DGKB: variants seen among roughly 807,000 people sequenced by gnomAD.
The protein encoded by DGKB is diacylglycerol kinase beta.
A neutral mutation model predicts 114.3 loss-of-function variants in DGKB; 67 were observed. That is an observed-to-expected ratio of 0.59 (90% CI 0.48 to 0.72). The LOEUF (loss-of-function observed/expected upper bound fraction) is 0.72, where lower values mean the gene tolerates loss of function less well. Ranked by LOEUF, DGKB falls within the 30% of genes least tolerant of loss-of-function variation. The probability of loss-of-function intolerance (pLI) is 0.00; values close to 1 mark genes in which losing one functional copy is unlikely to be tolerated. For missense variants in DGKB, 907 were observed against 975.2 expected, an observed-to-expected ratio of 0.93 and a Z score of 0.93; for synonymous variants, 398 against 323.1, an observed-to-expected ratio of 1.23 and a Z score of -2.49.
At chr7:14,778,989 C>T (rs941044825) in intron 2 of DGKB, among the ~76,000 whole-genome samples, 4 of 152,058 alleles carry the variant, frequency 2.6e-5, no homozygotes, top group African/African-American at 7.2e-5. Context: ...AACCCCACCT[C>T]TACTAAAACT....
At chr7:14,608,120 T>C (rs533982919) in intron 16 of DGKB, among the ~76,000 whole-genome samples, 54 of 152,118 alleles carry the variant, frequency 3.5e-4, no homozygotes, top group African/African-American at 1.2e-3. Flanking sequence ...AAGAAAACAA[T>C]CTTTATAAAT....
intron 2 of DGKB, among the ~76,000 whole-genome samples, chr7:14,840,621 C>T (rs1847794120): frequency 6.6e-6 from 1 of 151,658 alleles, no homozygotes; most frequent in African/African-American, 2.4e-5. Flanking sequence ...AACTTGAGGT[C>T]CTGACACCTC....
chr7:14,379,226 GTGTT>G (rs1277116710), intron 21 of DGKB, among the ~76,000 whole-genome samples: 1 of 152,048 alleles, frequency 6.6e-6, no homozygotes, highest in Non-Finnish European at 1.5e-5. Flanking sequence ...AATTCAGCGA[GTGTT>G]TGTTTTGAAA....
At chr7:14,765,985 G>A (rs1235329972) in intron 2 of DGKB, among the ~76,000 whole-genome samples, 1 of 151,882 alleles carries the variant, frequency 6.6e-6, no homozygotes, top group African/African-American at 2.4e-5. Flanking sequence ...GTGGAGTTGG[G>A]AAAGAATGCT....
At chr7:14,171,840 G>A (rs997737946) in intron 25 of DGKB, among the ~76,000 whole-genome samples, 4 of 152,154 alleles carry the variant, frequency 2.6e-5, no homozygotes, top group African/African-American at 9.7e-5. Context: ...TTTGGTATTG[G>A]CAATCTAATT....
chr7:14,257,586 C>T (rs866590707), intron 23 of DGKB, among the ~76,000 whole-genome samples: 2 of 152,134 alleles, frequency 1.3e-5, no homozygotes, highest in South Asian at 4.1e-4. Context: ...CTCATGAGAT[C>T]TGATGGCTTC....
intron 4 of DGKB, chr7:14,750,325 G>GAAAAAAA: frequency 2.5e-5 from 10 of 404,842 alleles, no homozygotes; most frequent in Admixed American, 2.5e-4. Flanking sequence ...TCTGCCGTTT[G>GAAAAAAA]AGAAAAAAAA....
chr7:14,712,102 G>A (rs774395211), intron 6 of DGKB, among the ~76,000 whole-genome samples: 10 of 152,098 alleles, frequency 6.6e-5, no homozygotes, highest in Non-Finnish European at 1.0e-4. Context: ...GGATCAAGCT[G>A]AGAATAAAAT....
intron 25 of DGKB, among the ~76,000 whole-genome samples, chr7:14,155,052 C>T (rs1198152655): frequency 3.3e-5 from 5 of 151,976 alleles, no homozygotes; most frequent in African/African-American, 7.2e-5. Flanking sequence ...ATTCTGCTTT[C>T]GAACAAGAAC....
At chr7:14,237,660 G>A (rs139195190) in intron 23 of DGKB, among the ~76,000 whole-genome samples, 1 of 151,860 alleles carries the variant, frequency 6.6e-6, no homozygotes, top group Non-Finnish European at 1.5e-5. Flanking sequence ...AGGCCTGAGA[G>A]CAACAAAATA....
chr7:14,290,514 G>T (rs534024729), intron 23 of DGKB, among the ~76,000 whole-genome samples: 1 of 152,232 alleles, frequency 6.6e-6, no homozygotes, highest in Admixed American at 6.5e-5. Context: ...AAGCTGAGTT[G>T]TCAATTGGCT....
At chr7:14,824,416 T>C (rs1845376763) in intron 2 of DGKB, among the ~76,000 whole-genome samples, 1 of 152,116 alleles carries the variant, frequency 6.6e-6, no homozygotes. Flanking sequence ...GGAGAAAAAG[T>C]AGGAGAGAAA....
intron 13 of DGKB, among the ~76,000 whole-genome samples, chr7:14,663,937 T>C (rs1401595413): frequency 6.6e-6 from 1 of 152,080 alleles, no homozygotes; most frequent in Non-Finnish European, 1.5e-5. Context: ...GGCAATCTCT[T>C]GGCCTTCCAT....
chr7:14,659,457 A>T (rs549280560), intron 13 of DGKB, among the ~76,000 whole-genome samples: 2 of 151,498 alleles, frequency 1.3e-5, no homozygotes, highest in African/African-American at 2.4e-5. Flanking sequence ...CATCCCTTGT[A>T]AGGTGGATTC....
chr7:14,458,904 G>A (rs1832685622), intron 21 of DGKB, among the ~76,000 whole-genome samples: 1 of 152,194 alleles, frequency 6.6e-6, no homozygotes, highest in Non-Finnish European at 1.5e-5. Flanking sequence ...AAGTGGTTTA[G>A]CTCAGGGGAT....
At chr7:14,751,142 A>G (rs184008010) in intron 4 of DGKB, among the ~76,000 whole-genome samples, 1 of 152,168 alleles carries the variant, frequency 6.6e-6, no homozygotes, top group Non-Finnish European at 1.5e-5. Context: ...ATGAAAAAGC[A>G]CAAGTAAAAA....
At chr7:14,319,544 C>T (rs1807329232) in intron 23 of DGKB, among the ~76,000 whole-genome samples, 1 of 151,894 alleles carries the variant, frequency 6.6e-6, no homozygotes, top group Admixed American at 6.6e-5. Flanking sequence ...AATAGATGTA[C>T]CTCACATAAG....
Position 14,281,094 on chromosome 7 carries a change from G to A in DGKB, c.2122+57421C>T, listed in dbSNP as rs1174035445. On this transcript the variant is annotated intron_variant, in intron 23 of 25. Coordinates refer to ENST00000402815, the MANE Select transcript of DGKB (RefSeq NM_001350709.2). ...TTGGATAAAGAGTCAAGACCCATCA[G>A]TGTGCTGTATTCAGGAAACCCATCT... Among the ~76,000 whole-genome samples, 4 of 147,452 alleles carry A rather than the reference G, an allele frequency of 2.7e-5. No homozygotes were observed. The Admixed American group carries it at 2.7e-4, about 10-fold the overall frequency.
At chr7:14,917,254 C>T (rs559339681) in intron 1 of DGKB, among the ~76,000 whole-genome samples, 18 of 151,688 alleles carry the variant, frequency 1.2e-4, no homozygotes, top group Non-Finnish European at 1.9e-4. Flanking sequence ...AAATGTAAAA[C>T]AATCAGATAA....
Sources: allele counts gnomAD v4.1 joint callset (sites outside exome capture counted in the v4.1 genomes callset), GRCh38; gene constraint gnomAD v4.1.1; transcripts MANE v1.5; gene names NCBI Gene and HGNC (gene_info 2026-07-23, HGNC 2026-07-21).